Variants in TENM3 observed in about 807,000 individuals in gnomAD.
TENM3 encodes the protein teneurin-3.
Under a neutral mutation model 255.1 loss-of-function variants are expected in TENM3, and 63 were observed. The observed-to-expected ratio is 0.25, with a 90% CI of 0.20 to 0.30. The LOEUF (loss-of-function observed/expected upper bound fraction) is 0.30, where lower values mean the gene tolerates loss of function less well. Ranked by LOEUF, TENM3 falls within the 10% of genes least tolerant of loss-of-function variation. TENM3 has a pLI of 1.00. For synonymous variants in TENM3, 1,306 were observed against 1,322.3 expected, an observed-to-expected ratio of 0.99 and a Z score of 0.27; for missense variants, 2,929 against 3,461.1, an observed-to-expected ratio of 0.85 and a Z score of 3.86.
At chr4:181,789,218 A>ATTTATTTTAT in the TENM3 span, among the ~76,000 whole-genome samples, 16,719 of 145,502 alleles carry the variant, frequency 0.11, 1,352 homozygotes, top group Non-Finnish European at 0.17. Flanking sequence ...AGCCCCCTTT[A>ATTTATTTTAT]TTTATTTTAT....
intron 24 of TENM3, among the ~76,000 whole-genome samples, chr4:182,785,519 G>A (rs1290614751): frequency 6.6e-6 from 1 of 151,302 alleles, no homozygotes; most frequent in Non-Finnish European, 1.5e-5. Flanking sequence ...ACCAGCCAGG[G>A]CAACATGGGG....
chr4:182,340,444 A>G (rs1764417649), intron 2 of TENM3, among the ~76,000 whole-genome samples: 1 of 152,174 alleles, frequency 6.6e-6, no homozygotes, highest in Non-Finnish European at 1.5e-5. Context: ...TAAATCAAGT[A>G]AGTAGTTGAA....
At chr4:181,465,049 A>G in the TENM3 span, among the ~76,000 whole-genome samples, 1 of 152,184 alleles carries the variant, frequency 6.6e-6, no homozygotes. Context: ...GGTGAAGCAT[A>G]TTATCTCTTA....
intron 24 of TENM3, among the ~76,000 whole-genome samples, chr4:182,781,115 G>A (rs1765128014): frequency 6.6e-6 from 1 of 152,080 alleles, no homozygotes; most frequent in Non-Finnish European, 1.5e-5. Context: ...TGGTGAGAGA[G>A]GGCGTCCCTG....
At chr4:181,875,221 G>A in the TENM3 span, among the ~76,000 whole-genome samples, 3 of 152,108 alleles carry the variant, frequency 2.0e-5, no homozygotes, top group South Asian at 4.1e-4. Context: ...TGTAGTCCCA[G>A]TTAATACCTA....
chr4:182,166,910 G>T (rs977209602), intron 1 of TENM3, among the ~76,000 whole-genome samples: 5 of 152,000 alleles, frequency 3.3e-5, no homozygotes, highest in South Asian at 4.1e-4. Flanking sequence ...TATCATAAAG[G>T]TATAAAGAGA....
At chr4:182,553,105 G>A (rs1055325365) in intron 3 of TENM3, among the ~76,000 whole-genome samples, 1 of 151,928 alleles carries the variant, frequency 6.6e-6, no homozygotes, top group African/African-American at 2.4e-5. Context: ...TACTTTTTTA[G>A]ACAGGGTCTC....
At chr4:181,768,295 G>A in the TENM3 span, among the ~76,000 whole-genome samples, 7 of 152,170 alleles carry the variant, frequency 4.6e-5, no homozygotes, top group Non-Finnish European at 1.0e-4. Context: ...ATTCTAGTGA[G>A]TAGGGGCCCG....
At chr4:182,728,851 G>A (rs1198904181) in intron 13 of TENM3, 114 bp from the exon 14 acceptor site, 1 of 754,608 alleles carries the variant, frequency 1.3e-6, no homozygotes, top group African/African-American at 1.9e-5. Context: ...CTATCAGATA[G>A]TCGGGAGAAA....
the TENM3 span, among the ~76,000 whole-genome samples, chr4:181,626,583 C>T: frequency 7.2e-5 from 11 of 151,844 alleles, no homozygotes; most frequent in Non-Finnish European, 1.2e-4. Context: ...AGGGGAGATG[C>T]CACGCTCTTT....
chr4:182,155,790 TTGTC>T (rs1339775189), intron 1 of TENM3, among the ~76,000 whole-genome samples: 19 of 152,136 alleles, frequency 1.2e-4, no homozygotes, highest in Admixed American at 1.2e-3. Context: ...TCTTAAATCA[TTGTC>T]TGATCGAGAA....
At chr4:182,719,720 GAAAT>G (rs1044678168) in intron 13 of TENM3, among the ~76,000 whole-genome samples, 3 of 152,060 alleles carry the variant, frequency 2.0e-5, no homozygotes, top group African/African-American at 7.2e-5. Flanking sequence ...ATAGAAATAA[GAAAT>G]AAATAATTAG....
chr4:182,354,143 T>C (rs752484210), intron 3 of TENM3, among the ~76,000 whole-genome samples: 1 of 152,228 alleles, frequency 6.6e-6, no homozygotes, highest in South Asian at 2.1e-4. Context: ...CAGTTTGCTA[T>C]GCTTCACATG....
intron 3 of TENM3, among the ~76,000 whole-genome samples, chr4:182,470,121 A>G (rs1210203818): frequency 2.0e-5 from 3 of 152,174 alleles, no homozygotes; most frequent in South Asian, 4.1e-4. Flanking sequence ...TGCTGTAGAA[A>G]CTGGCTTCGT....
At chr4:181,467,119 A>ATTTTTTTTTTT in the TENM3 span, among the ~76,000 whole-genome samples, 1 of 56,330 alleles carries the variant, frequency 1.8e-5, no homozygotes, top group Admixed American at 1.7e-4. Context: ...ATATATATAT[A>ATTTTTTTTTTT]TATATATTTT....
the TENM3 span, among the ~76,000 whole-genome samples, chr4:181,892,796 G>T: frequency 1.3e-5 from 2 of 152,252 alleles, no homozygotes; most frequent in Non-Finnish European, 2.9e-5. Context: ...GCCTCTGAAT[G>T]ACACATACAG....
At chr4:182,045,706 T>A in the TENM3 span, among the ~76,000 whole-genome samples, 12 of 152,196 alleles carry the variant, frequency 7.9e-5, no homozygotes, top group Non-Finnish European at 1.8e-4. Flanking sequence ...CTCTGAAGTT[T>A]ATTATTTCAA....
intron 6 of TENM3, among the ~76,000 whole-genome samples, chr4:182,666,856 G>C (rs1207805421): frequency 6.6e-6 from 1 of 151,810 alleles, no homozygotes; most frequent in African/African-American, 2.4e-5. Context: ...GCCGAGATTG[G>C]GCCACTGCAC....
chr4:182,536,260 C>T (rs528974920), intron 3 of TENM3, among the ~76,000 whole-genome samples: 4 of 152,314 alleles, frequency 2.6e-5, no homozygotes, highest in South Asian at 2.1e-4. Context: ...AGAGAAAATC[C>T]GTTGAGATTT....
Sources: gnomAD v4.1 joint callset for allele counts (sites outside exome capture counted in the v4.1 genomes callset) on GRCh38, gnomAD v4.1.1 for gene constraint, MANE v1.5 for transcripts, NCBI Gene and HGNC (gene_info 2026-07-23, HGNC 2026-07-21) for gene names.